Variants in FARS2 observed in about 807,000 individuals in gnomAD.
The protein encoded by FARS2 is phenylalanine--tRNA ligase, mitochondrial.
Under a neutral mutation model 46.4 loss-of-function variants are expected in FARS2, and 40 were observed. The observed-to-expected ratio is 0.86, with a 90% confidence interval of 0.67 to 1.12. The LOEUF (loss-of-function observed/expected upper bound fraction) is 1.12. Among genes scored for constraint, FARS2 ranks in the 50% most tolerant of loss-of-function variants. FARS2 has a pLI of 0.00. For synonymous variants in FARS2, 234 were observed against 214.9 expected, an observed-to-expected ratio of 1.09 and a Z score of -0.78; for missense variants, 513 against 567.9, an observed-to-expected ratio of 0.90 and a Z score of 0.98.
At chr6:5,653,604 G>C (rs569390702) in intron 6 of FARS2, among the ~76,000 whole-genome samples, 59 of 152,330 alleles carry the variant, frequency 3.9e-4, no homozygotes, top group African/African-American at 1.4e-3. Context: ...GGCCCCTCCT[G>C]GGGGATCGGA....
At chr6:5,458,333 A>G (rs1219563137) in intron 4 of FARS2, among the ~76,000 whole-genome samples, 2 of 152,194 alleles carry the variant, frequency 1.3e-5, no homozygotes, top group Non-Finnish European at 2.9e-5. Context: ...AGGGCTAGGG[A>G]TGCAAGAAGC....
Position 5,517,836 on chromosome 6 carries a change from A to G in FARS2, c.905-27344A>G, listed in dbSNP as rs114981091. Among the ~76,000 whole-genome samples, 1,292 of 152,316 alleles carry G rather than the reference A, an allele frequency of 8.5e-3. 20 individuals carry two copies. The highest frequency in any genetic ancestry group is 0.029 in the African/African-American group (1,209 of 41,568). On this transcript the variant is annotated intron_variant, in intron 4 of 6. Coordinates refer to ENST00000274680, the MANE Select transcript of FARS2 (RefSeq NM_006567.5). ...TTTTTAAATGTAGCTAGAACATTTAAAAAATTTCCTATTCAAGTTACACTC... is the reference window on the plus strand; with the variant it reads ...TTTTTAAATGTAGCTAGAACATTTAGAAAATTTCCTATTCAAGTTACACTC...
At chr6:5,585,799 T>C (rs1301139538) in intron 5 of FARS2, among the ~76,000 whole-genome samples, 2 of 152,136 alleles carry the variant, frequency 1.3e-5, no homozygotes, top group Non-Finnish European at 2.9e-5. Context: ...TGTCAATTTC[T>C]TTATTCATTT....
At chr6:5,299,018 GTA>G (rs1198154400) in intron 1 of FARS2, among the ~76,000 whole-genome samples, 5 of 152,088 alleles carry the variant, frequency 3.3e-5, no homozygotes, top group African/African-American at 9.7e-5. Flanking sequence ...TCTTTATAGA[GTA>G]TGTTTTTATA....
At position 5,717,935 on chromosome 6, in the gene FARS2, T is replaced by TATATAGAGAGAGAGAGAGAGAGAGAGAG. The variant is rs546191530; in HGVS notation, c.1218-53355_1218-53354insTATAGAGAGAGAGAGAGAGAGAGAGAGA. ...ATATATATATATATATATATATATA[T>TATATAGAGAGAGAGAGAGAGAGAGAGAG]ACAGAGTCTCACTCTGTCGCCCAGG... On this transcript the variant is annotated intron_variant, in intron 6 of 6. Transcript: ENST00000274680. 2.4e-4 allele frequency among the ~76,000 whole-genome samples: 32 copies of TATATAGAGAGAGAGAGAGAGAGAGAGAG among 135,652 alleles called. No individual in the cohort carries two copies. The South Asian group carries it at 5.8e-3, about 25-fold the overall frequency. The allele number at this position is 135,652 out of a possible 152,430, so 89.0% of individuals were successfully genotyped here.
chr6:5,650,214 C>T (rs984371880), intron 6 of FARS2, among the ~76,000 whole-genome samples: 2 of 149,082 alleles, frequency 1.3e-5, no homozygotes, highest in African/African-American at 5.0e-5. Flanking sequence ...TCTTCAAGGT[C>T]TAATGGTAGT....
intron 1 of FARS2, among the ~76,000 whole-genome samples, chr6:5,339,216 A>G (rs1771381201): frequency 1.3e-5 from 2 of 152,348 alleles, no homozygotes; most frequent in African/African-American, 4.8e-5. Flanking sequence ...CCTAGTGCCA[A>G]TGTGTAATGT....
At chr6:5,306,293 AG>A (rs2127541242) in intron 1 of FARS2, among the ~76,000 whole-genome samples, 1 of 152,350 alleles carries the variant, frequency 6.6e-6, no homozygotes, top group African/African-American at 2.4e-5. Flanking sequence ...TAGTGAGGGA[AG>A]TATTCACAGT....
chr6:5,289,482 T>C (rs775031999), intron 1 of FARS2, among the ~76,000 whole-genome samples: 1 of 152,232 alleles, frequency 6.6e-6, no homozygotes, highest in Non-Finnish European at 1.5e-5. Flanking sequence ...TTAAATACCC[T>C]CTAGAGGGTT....
intron 6 of FARS2, among the ~76,000 whole-genome samples, chr6:5,664,285 G>C (rs1777996146): frequency 6.6e-6 from 1 of 152,166 alleles, no homozygotes; most frequent in South Asian, 2.1e-4. Context: ...CTATCCAAGT[G>C]GCTGAGAATC....
At chr6:5,327,460 G>A (rs989138982) in intron 1 of FARS2, among the ~76,000 whole-genome samples, 7 of 152,114 alleles carry the variant, frequency 4.6e-5, no homozygotes, top group Admixed American at 3.3e-4. Context: ...TGAATAATGA[G>A]GGCAGGTTTT....
At chr6:5,318,042 C>T (rs1377808588) in intron 1 of FARS2, among the ~76,000 whole-genome samples, 1 of 152,044 alleles carries the variant, frequency 6.6e-6, no homozygotes, top group East Asian at 1.9e-4. Flanking sequence ...GTTAAATCTC[C>T]ACCTTTGGGT....
At chr6:5,366,919 C>G (rs1758719629) in intron 1 of FARS2, among the ~76,000 whole-genome samples, 1 of 152,218 alleles carries the variant, frequency 6.6e-6, no homozygotes, top group Non-Finnish European at 1.5e-5. Context: ...TGACAAGTCA[C>G]TGAACACTAG....
chr6:5,327,473 C>T (rs537347814), intron 1 of FARS2, among the ~76,000 whole-genome samples: 9 of 152,182 alleles, frequency 5.9e-5, no homozygotes, highest in South Asian at 4.2e-4. Flanking sequence ...CAGGTTTTTC[C>T]GTGCCGTTCT....
intron 6 of FARS2, among the ~76,000 whole-genome samples, chr6:5,752,180 C>T (rs946440747): frequency 5.9e-5 from 9 of 152,160 alleles, no homozygotes; most frequent in East Asian, 1.9e-4. Context: ...GTTTCTCCCC[C>T]GCCCCCATCA....
the FARS2 span, among the ~76,000 whole-genome samples, chr6:5,251,730 C>A: frequency 1.3e-5 from 2 of 152,314 alleles, no homozygotes; most frequent in South Asian, 4.1e-4. Flanking sequence ...AGACAACATC[C>A]AAACTGTATC....
intron 1 of FARS2, among the ~76,000 whole-genome samples, chr6:5,272,233 G>A (rs1766010615): frequency 6.6e-6 from 1 of 152,132 alleles, no homozygotes; most frequent in African/African-American, 2.4e-5. Context: ...GAGTGCAGTG[G>A]GATGAGGTAC....
At chr6:5,337,060 ATCACT>A (rs1561966762) in intron 1 of FARS2, among the ~76,000 whole-genome samples, 1 of 146,084 alleles carries the variant, frequency 6.8e-6, no homozygotes, top group Non-Finnish European at 1.5e-5. Flanking sequence ...GGAAGTAAAT[ATCACT>A]TCTTTTTTTT....
upstream of FARS2, among the ~76,000 whole-genome samples, chr6:5,257,650 G>A (rs951055392): frequency 8.5e-5 from 13 of 152,310 alleles, no homozygotes; most frequent in African/African-American, 3.1e-4. Flanking sequence ...GGCGGCATTA[G>A]ATTCTCATAG....
Sources: gnomAD v4.1 joint callset for allele counts (sites outside exome capture counted in the v4.1 genomes callset) on GRCh38, gnomAD v4.1.1 for gene constraint, MANE v1.5 for transcripts, NCBI Gene and HGNC (gene_info 2026-07-23, HGNC 2026-07-21) for gene names.